The following SEMA5A variants were observed in gnomAD, a reference collection of about 807,000 sequenced individuals.
SEMA5A encodes the protein semaphorin-5A.
A neutral mutation model predicts 135.5 loss-of-function variants in SEMA5A; 55 were observed. That is an observed-to-expected ratio of 0.41 (90% CI 0.33 to 0.51). SEMA5A has a LOEUF of 0.51. SEMA5A is among the 20% of genes least tolerant of loss of function. The probability of loss-of-function intolerance (pLI) is 0.37; values close to 1 mark genes in which losing one functional copy is unlikely to be tolerated. For synonymous variants in SEMA5A, 580 were observed against 546.5 expected (o/e 1.06, Z -0.85); for missense variants, 1,290 against 1,419.9 (o/e 0.91, Z 1.47).
At chr5:9,107,978 C>T (rs1740012795) in intron 16 of SEMA5A, among the ~76,000 whole-genome samples, 162 bp downstream of exon 16, 1 of 151,946 alleles carries the variant, frequency 6.6e-6, no homozygotes, top group Non-Finnish European at 1.5e-5. Flanking sequence ...GTGTGTGAGA[C>T]CATTTAGTGT....
At chr5:9,275,518 G>A (rs752686107) in intron 5 of SEMA5A, among the ~76,000 whole-genome samples, 6 of 152,002 alleles carry the variant, frequency 3.9e-5, no homozygotes, top group Non-Finnish European at 8.8e-5. Flanking sequence ...AACCTGCAGA[G>A]ACACAATAAA....
At chr5:9,514,188 CCTCT>C (rs1340023129) in intron 1 of SEMA5A, among the ~76,000 whole-genome samples, 1 of 152,170 alleles carries the variant, frequency 6.6e-6, no homozygotes, top group Non-Finnish European at 1.5e-5. Context: ...ATCGCCTTTT[CCTCT>C]CTATCTGCAG....
intron 5 of SEMA5A, among the ~76,000 whole-genome samples, chr5:9,295,571 A>C (rs548378296): frequency 6.6e-6 from 1 of 151,768 alleles, no homozygotes; most frequent in Non-Finnish European, 1.5e-5. Context: ...AGGATTTTCT[A>C]CTCTTCAGAG....
intron 16 of SEMA5A, among the ~76,000 whole-genome samples, chr5:9,098,445 T>C (rs1439034706): frequency 2.0e-5 from 3 of 152,178 alleles, no homozygotes; most frequent in East Asian, 3.9e-4. Flanking sequence ...GTGTTCTTTA[T>C]GGATAATCAA....
In SEMA5A at chr5:9,242,781, T is replaced by A. The variant is rs190031389; in HGVS notation, c.271-4891A>T. Among the ~76,000 whole-genome samples the A allele has an allele frequency of 9.7e-3, 1,481 of 152,272 alleles. 26 individuals carry two copies. Among genetic ancestry groups the A allele is most frequent in the African/African-American group, 0.034 (1,408 of 41,532 alleles). On this transcript the variant is annotated intron_variant, in intron 5 of 22. Coordinates refer to ENST00000382496, the MANE Select transcript of SEMA5A (RefSeq NM_003966.3). ...ACATATGGGAAAATAAATTTTTTTT[T>A]AAATGATCAATTTCAAAATTTAGAA...
At chr5:9,363,957 G>C (rs1210643651) in intron 3 of SEMA5A, among the ~76,000 whole-genome samples, 1 of 152,202 alleles carries the variant, frequency 6.6e-6, no homozygotes, top group Non-Finnish European at 1.5e-5. Flanking sequence ...ATGTTCATGG[G>C]AGAAGCACAG....
rs1304741097 is a variant in SEMA5A at position 9,041,670 on chromosome 5, G to C, written c.*1227C>G. The C allele has an allele frequency of 1.3e-5, 2 of 152,462 alleles. No homozygotes were observed. The highest frequency in any genetic ancestry group is 4.8e-5 in the African/African-American group (2 of 41,396). 9.4% of individuals were successfully genotyped at this position (152,462 alleles called of 1,614,324 possible). ...GAGGGTGAATGGACTGGGTGGGTGG[G>C]AAGGCAGCACTGAAATAAAAGAAAA... On this transcript the variant is annotated 3_prime_UTR_variant, in exon 23 of 23. Transcript: ENST00000382496.
At chr5:9,123,051 G>A (rs1207220478) in intron 13 of SEMA5A, among the ~76,000 whole-genome samples, 3 of 151,626 alleles carry the variant, frequency 2.0e-5, no homozygotes, top group East Asian at 1.9e-4. Flanking sequence ...TCAGAAGATC[G>A]AGACCATCCT....
intron 11 of SEMA5A, among the ~76,000 whole-genome samples, chr5:9,162,540 GTGTGTATATA>G (rs1743333560): frequency 9.5e-5 from 5 of 52,862 alleles, no homozygotes; most frequent in African/African-American, 3.4e-4. Flanking sequence ...ATATATGTAT[GTGTGTATATA>G]TGTGTGTGTG....
chr5:9,052,417 A>C (rs1297281397), intron 19 of SEMA5A, among the ~76,000 whole-genome samples: 2 of 152,172 alleles, frequency 1.3e-5, no homozygotes, highest in East Asian at 3.9e-4. Context: ...TGCTCCCCTC[A>C]AAGAAACTCA....
intron 5 of SEMA5A, chr5:9,265,502 A>G (rs1210048083): frequency 4.4e-6 from 2 of 456,238 alleles, no homozygotes; most frequent in East Asian, 1.4e-4. Context: ...CGGGACTCCC[A>G]TGTGGCTTTG....
chr5:9,149,871 T>A (rs1049195934), intron 12 of SEMA5A, among the ~76,000 whole-genome samples: 13 of 152,222 alleles, frequency 8.5e-5, no homozygotes, highest in African/African-American at 3.1e-4. Flanking sequence ...GTGGGAAGCC[T>A]ATGAGTTCTT....
At chr5:9,439,523 A>G (rs868014590) in intron 1 of SEMA5A, among the ~76,000 whole-genome samples, 2 of 152,190 alleles carry the variant, frequency 1.3e-5, no homozygotes, top group African/African-American at 4.8e-5. Flanking sequence ...GAACTACATT[A>G]AAAACAGGGC....
At chr5:9,330,563 G>A (rs1321597213) in intron 4 of SEMA5A, among the ~76,000 whole-genome samples, 2 of 152,154 alleles carry the variant, frequency 1.3e-5, no homozygotes, top group Non-Finnish European at 1.5e-5. Context: ...AATCAGCAGA[G>A]CTGGGAGGGG....
At chr5:9,399,026 A>C (rs1756530133) in intron 2 of SEMA5A, among the ~76,000 whole-genome samples, 1 of 152,254 alleles carries the variant, frequency 6.6e-6, no homozygotes, top group Non-Finnish European at 1.5e-5. Flanking sequence ...TTTCAAATGT[A>C]AGATAGTGCT....
chr5:9,094,731 A>G (rs1739227974), intron 16 of SEMA5A, among the ~76,000 whole-genome samples: 1 of 152,224 alleles, frequency 6.6e-6, no homozygotes, highest in Non-Finnish European at 1.5e-5. Flanking sequence ...TTGCTTTCTA[A>G]TAATCTCAAA....
At chr5:9,164,234 A>G (rs1453042140) in intron 11 of SEMA5A, among the ~76,000 whole-genome samples, 2 of 143,964 alleles carry the variant, frequency 1.4e-5, no homozygotes, top group Non-Finnish European at 3.0e-5. Context: ...TAGCATATAA[A>G]TATTTATATA....
rs140919654 is a variant in SEMA5A at position 9,084,364 on chromosome 5, C to G, written c.2074-17718G>C. Among the ~76,000 whole-genome samples, 469 of 152,238 alleles carry G rather than the reference C, an allele frequency of 3.1e-3. 5 individuals are homozygous for G. Among genetic ancestry groups the G allele is most frequent in the African/African-American group, 0.011 (450 of 41,554 alleles). On this transcript the variant is annotated intron_variant, in intron 16 of 22. Coordinates refer to ENST00000382496, the MANE Select transcript of SEMA5A (RefSeq NM_003966.3). ...TCTCCAGTGATGTTTCTGTTGGCTT[C>G]CCTCCTGATATGGTTTGGCTGTGTC...
At chr5:9,484,268 A>T (rs910531763) in intron 1 of SEMA5A, among the ~76,000 whole-genome samples, 3 of 152,248 alleles carry the variant, frequency 2.0e-5, no homozygotes, top group Non-Finnish European at 4.4e-5. Flanking sequence ...CAGTTCTTAC[A>T]GTCATTTGAC....
Sources: gnomAD v4.1 joint callset for allele counts (sites outside exome capture counted in the v4.1 genomes callset) on GRCh38, gnomAD v4.1.1 for gene constraint, MANE v1.5 for transcripts, NCBI Gene and HGNC (gene_info 2026-07-23, HGNC 2026-07-21) for gene names.